The following POLN variants were observed in gnomAD, a reference collection of about 807,000 sequenced individuals.
POLN encodes DNA polymerase nu.
A neutral mutation model predicts 113.5 loss-of-function variants in POLN; 108 were observed. That is an observed-to-expected ratio of 0.95 (90% CI 0.81 to 1.12). The LOEUF (loss-of-function observed/expected upper bound fraction) is 1.12, where lower values mean the gene tolerates loss of function less well. Among genes scored for constraint, POLN ranks in the 50% most tolerant of loss-of-function variants. The pLI, the probability that POLN is intolerant of heterozygous loss-of-function variation, is 0.00. For missense variants in POLN, 1,097 were observed against 1,077.1 expected, an observed-to-expected ratio of 1.02 and a Z score of -0.26; for synonymous variants, 386 against 391.5, an observed-to-expected ratio of 0.99 and a Z score of 0.17.
chr4:2,160,865 T>G (rs1187949579), intron 13 of POLN, among the ~76,000 whole-genome samples: 1 of 152,224 alleles, frequency 6.6e-6, no homozygotes, highest in Non-Finnish European at 1.5e-5. Flanking sequence ...TTGTTATATT[T>G]TCTCCAATCT....
At chr4:2,075,112 C>G (rs2108686284) in intron 24 of POLN, among the ~76,000 whole-genome samples, 1 of 152,350 alleles carries the variant, frequency 6.6e-6, no homozygotes, top group Middle Eastern at 3.4e-3. Flanking sequence ...TGCCCACTCC[C>G]CATCTTTCTA....
intron 23 of POLN, chr4:2,078,966 G>A (rs1730341200): frequency 2.0e-6 from 2 of 975,864 alleles, no homozygotes; most frequent in East Asian, 1.2e-4. Context: ...TTCTTGCCCT[G>A]TTGCCCAGGC....
intron 19 of POLN, among the ~76,000 whole-genome samples, chr4:2,109,778 G>A (rs1021995733): frequency 1.2e-4 from 19 of 152,126 alleles, no homozygotes; most frequent in Non-Finnish European, 2.5e-4. Flanking sequence ...ATTGATCAGT[G>A]TCTTATAAAC....
At chr4:2,105,778 C>T (rs1040806072) in intron 19 of POLN, among the ~76,000 whole-genome samples, 3 of 151,502 alleles carry the variant, frequency 2.0e-5, no homozygotes, top group East Asian at 1.9e-4. Flanking sequence ...CAAGTCTGTC[C>T]AGGAGCCCAC....
At position 2,128,214 on chromosome 4, in the gene POLN, A is replaced by G. The variant is rs760036383; in HGVS notation, c.1881T>C (p.Ile627=). 2.5e-6 allele frequency: 4 copies of G among 1,604,374 alleles called. No individual in the cohort carries two copies. In the East Asian group the frequency reaches 8.9e-5, roughly 36 times the overall value. The stretch of plus-strand genomic sequence containing the variant: ...ATAAATGTGTAAGAATGCGCAATTC[A>G]ATCTGTGAAAAGTCTGTGAGATACA... ...HTFLAADFSQ[I]ELRILTHLSG... is the part of the protein sequence containing the mutation. The change falls in exon 19 of 26, where the codon ATT becomes ATC. Residue 627 remains isoleucine, a synonymous_variant. Coordinates refer to ENST00000511885, the MANE Select transcript of POLN (RefSeq NM_181808.4).
rs1436284873 is a variant in POLN at position 2,229,243 on chromosome 4, C to G, written c.-12G>C. 1.3e-6 allele frequency: 2 copies of G among 1,584,332 alleles called. No homozygotes were observed. The highest frequency in any genetic ancestry group is 1.7e-6 in the Non-Finnish European group (2 of 1,164,038). ...TCATAATTTTCCATTTTCACAAAAT[C>G]CTAAATGTAAGATTAACATAAGATA... is the stretch of plus-strand genomic sequence containing the variant. On this transcript the variant is annotated splice_region_variant and 5_prime_UTR_variant, in exon 3 of 26. Transcript: ENST00000511885.
chr4:2,204,553 A>T (rs1315191120), intron 5 of POLN, among the ~76,000 whole-genome samples: 2 of 152,344 alleles, frequency 1.3e-5, no homozygotes, highest in East Asian at 3.9e-4. Context: ...CTATTCCACA[A>T]GATAGAGAAA....
chr4:2,169,936 C>T (rs1732818095), intron 13 of POLN, among the ~76,000 whole-genome samples: 1 of 152,242 alleles, frequency 6.6e-6, no homozygotes, highest in Non-Finnish European at 1.5e-5. Flanking sequence ...CAGGCACAGT[C>T]AACGAGCTCA....
chr4:2,111,080 T>C (rs1731181409), intron 19 of POLN, among the ~76,000 whole-genome samples: 1 of 152,150 alleles, frequency 6.6e-6, no homozygotes, highest in Non-Finnish European at 1.5e-5. Flanking sequence ...GCAAGGCTGG[T>C]TCAACATATG....
chr4:2,161,660 G>A (rs1442012966), intron 13 of POLN, among the ~76,000 whole-genome samples: 1 of 152,240 alleles, frequency 6.6e-6, no homozygotes, highest in South Asian at 2.1e-4. Context: ...CGGGCGCACG[G>A]CACCGGGACT....
intron 23 of POLN, chr4:2,078,468 T>C: frequency 1.4e-6 from 1 of 700,620 alleles, no homozygotes; most frequent in Non-Finnish European, 1.8e-6. Flanking sequence ...ATGAATCTTC[T>C]TCTTCTTTTT....
chr4:2,139,996 G>C (rs1253729295), intron 16 of POLN: 1 of 152,142 alleles, frequency 6.6e-6, no homozygotes, highest in Non-Finnish European at 1.5e-5. Context: ...AAACAGAATA[G>C]AACACTTCCT....
intron 16 of POLN, among the ~76,000 whole-genome samples, chr4:2,133,350 A>G (rs955043173): frequency 7.9e-5 from 12 of 152,342 alleles, no homozygotes; most frequent in Non-Finnish European, 1.8e-4. Context: ...AGTATGACAA[A>G]TAAGTATCTG....
intron 7 of POLN, among the ~76,000 whole-genome samples, chr4:2,189,371 G>A (rs1282579965): frequency 6.6e-6 from 1 of 152,208 alleles, no homozygotes; most frequent in Non-Finnish European, 1.5e-5. Context: ...CAGGCACAGT[G>A]GCTCACGCCT....
chr4:2,158,700 T>A (rs576270350), intron 14 of POLN, among the ~76,000 whole-genome samples: 2 of 152,084 alleles, frequency 1.3e-5, no homozygotes, highest in Admixed American at 6.5e-5. Flanking sequence ...GGCAGGTGTG[T>A]GAACAGAGAA....
At chr4:2,198,416 C>T (rs1343600247) in intron 6 of POLN, 108 bp downstream of exon 6, 1 of 983,916 alleles carries the variant, frequency 1.0e-6, no homozygotes, top group Non-Finnish European at 1.4e-6. Context: ...TGTGCCCATA[C>T]AAAACTTCTA....
At chr4:2,240,734 A>G (rs1222747431) in intron 2 of POLN, 2 of 1,614,046 alleles carry the variant, frequency 1.2e-6, no homozygotes, top group Non-Finnish European at 8.5e-7. Context: ...CCCCTTCTAG[A>G]ATAGGCTTGC....
intron 6 of POLN, among the ~76,000 whole-genome samples, chr4:2,194,639 G>T (rs1199385118): frequency 6.6e-6 from 1 of 152,104 alleles, no homozygotes; most frequent in Non-Finnish European, 1.5e-5. Context: ...CTGTGATGAG[G>T]TAATCTACCA....
At chr4:2,121,756 GTTT>G (rs1284470543) in intron 19 of POLN, among the ~76,000 whole-genome samples, 1 of 151,104 alleles carries the variant, frequency 6.6e-6, no homozygotes, top group Non-Finnish European at 1.5e-5. Context: ...CCTTGTTAGA[GTTT>G]ATCAATTTTG....
Sources: allele counts gnomAD v4.1 joint callset (sites outside exome capture counted in the v4.1 genomes callset), GRCh38; gene constraint gnomAD v4.1.1; transcripts MANE v1.5; gene names NCBI Gene and HGNC (gene_info 2026-07-23, HGNC 2026-07-21).